GNAQ: variants seen among roughly 807,000 people sequenced by gnomAD.
The protein encoded by GNAQ is G protein subunit alpha q, also known as guanine nucleotide-binding protein G(q) subunit alpha.
GNAQ carries 8 observed loss-of-function variants against 43.9 expected under a neutral mutation model. The ratio of observed to expected loss-of-function variants is 0.18; its 90% CI spans 0.11 to 0.33. The LOEUF is 0.33. Among genes scored for constraint, GNAQ ranks in the 10% least tolerant of loss-of-function variants. The pLI is 1.00. For missense variants in GNAQ, 158 were observed against 450.8 expected (o/e 0.35, Z 5.88); for synonymous variants, 155 against 170.7 (o/e 0.91, Z 0.71).
At chr9:77,982,733 TAAAAAA>T (rs562254223) in intron 1 of GNAQ, among the ~76,000 whole-genome samples, 1 of 121,804 alleles carries the variant, frequency 8.2e-6, no homozygotes, top group African/African-American at 3.1e-5. Context: ...ATTCTATGTT[TAAAAAA>T]AAAAAAAAAA....
rs1481825578 is a variant in GNAQ, at chr9:77,720,165, G to A, written c.*1158C>T. 1 of 233,088 alleles carries A rather than the reference G, an allele frequency of 4.3e-6. No homozygotes were observed. The allele number at this position is 233,088 out of a possible 1,614,324, so 14.4% of individuals were successfully genotyped here. A position where few individuals can be genotyped will look rare whatever the true frequency, so the allele number is the denominator to read the frequency against. ...GGACAAAGAAAAGAATGGACCGTGA[G>A]AATCAAATTTCTAGTTACAACTGTT... On this transcript the variant is annotated 3_prime_UTR_variant, in exon 7 of 7. Transcript: ENST00000286548.
chr9:77,960,519 G>A (rs1823094608), intron 1 of GNAQ, among the ~76,000 whole-genome samples: 1 of 152,148 alleles, frequency 6.6e-6, no homozygotes, highest in Non-Finnish European at 1.5e-5. Flanking sequence ...GAGAGCTAAA[G>A]GAGGTGGTTG....
intron 5 of GNAQ, among the ~76,000 whole-genome samples, chr9:77,752,454 C>T (rs1383480787): frequency 2.6e-5 from 4 of 152,180 alleles, no homozygotes; most frequent in Non-Finnish European, 4.4e-5. Context: ...CACTTCCCCT[C>T]AAGGACTCAG....
At chr9:77,766,228 T>C (rs2118356315) in intron 5 of GNAQ, among the ~76,000 whole-genome samples, 1 of 152,296 alleles carries the variant, frequency 6.6e-6, no homozygotes, top group South Asian at 2.1e-4. Flanking sequence ...ATATGTATAT[T>C]TTACAATAAA....
intron 2 of GNAQ, among the ~76,000 whole-genome samples, chr9:77,903,588 C>T (rs1460260258): frequency 6.6e-6 from 1 of 152,112 alleles, no homozygotes; most frequent in Non-Finnish European, 1.5e-5. Context: ...TCCAGGCAGG[C>T]TCTATCTGGT....
At chr9:77,934,896 G>A (rs1829209269) in intron 1 of GNAQ, among the ~76,000 whole-genome samples, 2 of 152,204 alleles carry the variant, frequency 1.3e-5, no homozygotes, top group African/African-American at 4.8e-5. Context: ...GGAGGCTGAG[G>A]TGGGTGGATC....
chr9:77,868,054 T>A (rs1423205324), intron 2 of GNAQ, among the ~76,000 whole-genome samples: 1 of 152,200 alleles, frequency 6.6e-6, no homozygotes, highest in African/African-American at 2.4e-5. Flanking sequence ...TCTGTGATCA[T>A]CCCTTGTCAT....
chr9:77,808,894 C>A (rs1826871103), intron 3 of GNAQ, among the ~76,000 whole-genome samples: 2 of 151,100 alleles, frequency 1.3e-5, no homozygotes, highest in African/African-American at 4.9e-5. Context: ...CAAAACAAAA[C>A]AAAAAAAACT....
At chr9:77,766,517 A>G (rs1322535202) in intron 5 of GNAQ, among the ~76,000 whole-genome samples, 1 of 152,208 alleles carries the variant, frequency 6.6e-6, no homozygotes, top group East Asian at 1.9e-4. Flanking sequence ...TCATTTGATG[A>G]GACTTCTGGG....
chr9:77,898,200 T>A (rs1828534060), intron 2 of GNAQ, among the ~76,000 whole-genome samples: 1 of 152,200 alleles, frequency 6.6e-6, no homozygotes, highest in Non-Finnish European at 1.5e-5. Flanking sequence ...ATGCTGTGCA[T>A]TACTGTTACT....
intron 1 of GNAQ, among the ~76,000 whole-genome samples, chr9:78,013,826 C>T (rs1415805858): frequency 1.3e-5 from 2 of 152,048 alleles, no homozygotes; most frequent in Non-Finnish European, 2.9e-5. Context: ...TTGAACATAG[C>T]CATACTCATT....
chr9:77,867,950 C>T (rs775063431), intron 2 of GNAQ, among the ~76,000 whole-genome samples: 16 of 152,190 alleles, frequency 1.1e-4, no homozygotes, highest in Non-Finnish European at 1.6e-4. Flanking sequence ...TCAAACTTGA[C>T]AAATAATTTA....
chr9:77,835,549 C>A (rs1827370085), intron 2 of GNAQ, among the ~76,000 whole-genome samples: 1 of 151,992 alleles, frequency 6.6e-6, no homozygotes, highest in South Asian at 2.1e-4. Context: ...TATGTAAAAT[C>A]ATATATAGTA....
rs536145742 is a variant in GNAQ at position 77,948,647 on chromosome 9, C to CAT, written c.137-26304_137-26303dup. Among the ~76,000 whole-genome samples, 23 of 152,274 alleles carry CAT rather than the reference C, an allele frequency of 1.5e-4. No homozygotes were observed. In the South Asian group the frequency reaches 4.6e-3, roughly 30 times the overall value. On this transcript the variant is annotated intron_variant, in intron 1 of 6. Coordinates refer to ENST00000286548, the MANE Select transcript of GNAQ (RefSeq NM_002072.5). ...CGACCGCTACTGTTGACTGAACATC[C>CAT]ATTATTCGTTAGGCCCAAATCATGC...
At chr9:77,766,136 G>A (rs1045502527) in intron 5 of GNAQ, among the ~76,000 whole-genome samples, 3 of 152,184 alleles carry the variant, frequency 2.0e-5, no homozygotes, top group Non-Finnish European at 4.4e-5. Flanking sequence ...GACGATCCAT[G>A]TAGTGATACC....
intron 2 of GNAQ, among the ~76,000 whole-genome samples, chr9:77,828,758 C>T (rs182574090): frequency 6.6e-6 from 1 of 152,274 alleles, no homozygotes; most frequent in East Asian, 1.9e-4. Context: ...ATGACCAGTA[C>T]AGGACAGAAA....
intron 6 of GNAQ, among the ~76,000 whole-genome samples, chr9:77,722,347 G>A (rs1191957474): frequency 6.6e-6 from 1 of 152,006 alleles, no homozygotes; most frequent in Non-Finnish European, 1.5e-5. Flanking sequence ...ATGTTGGCCA[G>A]GCTGTTCTCA....
intron 2 of GNAQ, among the ~76,000 whole-genome samples, chr9:77,894,426 A>ATATATATATTT (rs1564143654): frequency 1.7e-5 from 2 of 119,234 alleles, no homozygotes; most frequent in Non-Finnish European, 3.5e-5. Flanking sequence ...AATAGAAAAA[A>ATATATATATTT]TATATATATA....
At chr9:77,951,013 TA>T (rs1822968454) in intron 1 of GNAQ, among the ~76,000 whole-genome samples, 1 of 151,884 alleles carries the variant, frequency 6.6e-6, no homozygotes, top group Non-Finnish European at 1.5e-5. Flanking sequence ...GGCCAAGATG[TA>T]TATCCTGTAT....
Sources: allele counts gnomAD v4.1 joint callset (sites outside exome capture counted in the v4.1 genomes callset), GRCh38; gene constraint gnomAD v4.1.1; transcripts MANE v1.5; gene names NCBI Gene and HGNC (gene_info 2026-07-23, HGNC 2026-07-21).